TMED1: variants seen among roughly 807,000 people sequenced by gnomAD.
The protein encoded by TMED1 is transmembrane emp24 domain-containing protein 1.
TMED1 carries 20 observed loss-of-function variants against 21.2 expected under a neutral mutation model. That is an observed-to-expected ratio of 0.95 (90% CI 0.67 to 1.37). The LOEUF (loss-of-function observed/expected upper bound fraction) is 1.37, where lower values mean the gene tolerates loss of function less well. TMED1 is among the 40% of genes most tolerant of loss of function. The pLI is 0.00. For synonymous variants in TMED1, 149 were observed against 134.7 expected, an observed-to-expected ratio of 1.11 and a Z score of -0.74; for missense variants, 316 against 309.8, an observed-to-expected ratio of 1.02 and a Z score of -0.15.
chr19:10,835,060 G>C lies in TMED1; in HGVS notation c.339C>G (p.Thr113=). 1 of 1,614,240 alleles carries C rather than the reference G, an allele frequency of 6.2e-7. No homozygotes were observed. The highest frequency in any genetic ancestry group is 8.5e-7 in the Non-Finnish European group (1 of 1,180,038). The change falls in exon 3 of 4, where the codon ACC becomes ACG. Residue 113 remains threonine, a synonymous_variant. Coordinates refer to ENST00000214869, the MANE Select transcript of TMED1 (RefSeq NM_006858.4). ...CAAAGAACACCAGCTTCTCGGAGATGGTGCTGAAGGAGTTGTCAAAGCACA... is the reference window on the plus strand; with the variant it reads ...CAAAGAACACCAGCTTCTCGGAGATCGTGCTGAAGGAGTTGTCAAAGCACA... ...YKLCFDNSFS[T]ISEKLVFFEL... is the part of the protein sequence containing the mutation.
At position 10,832,184 on chromosome 19, in the gene TMED1, A is replaced by C; in HGVS notation, c.*811T>G. On this transcript the variant is annotated 3_prime_UTR_variant, in exon 4 of 4. Coordinates refer to ENST00000214869, the MANE Select transcript of TMED1 (RefSeq NM_006858.4). ...TGCTGCCTGGTGAAGCGGGGACCCC[A>C]GCGCTCCACCCCCTTCCTACCCTCA... 1 of 885,872 alleles carries C rather than the reference A, an allele frequency of 1.1e-6. No homozygotes were observed. Among genetic ancestry groups the C allele is most frequent in the South Asian group, 1.4e-5 (1 of 70,676 alleles). 54.9% of individuals were successfully genotyped at this position (885,872 alleles called of 1,614,324 possible). A position where few individuals can be genotyped will look rare whatever the true frequency, so the allele number is the denominator to read the frequency against.
chr19:10,834,207 C>T (rs1011795858), intron 3 of TMED1, among the ~76,000 whole-genome samples: 7 of 152,098 alleles, frequency 4.6e-5, no homozygotes, highest in Non-Finnish European at 1.0e-4. Flanking sequence ...ATGTACAGAA[C>T]ATATTTGCTT....
At chr19:10,834,053 A>G (rs1029813999) in intron 3 of TMED1, among the ~76,000 whole-genome samples, 1 of 152,188 alleles carries the variant, frequency 6.6e-6, no homozygotes, top group Non-Finnish European at 1.5e-5. Flanking sequence ...ACAGCTATTC[A>G]GGAGGCTGAG....
intron 3 of TMED1, 147 bp from the exon 4 acceptor site, chr19:10,833,360 C>T (rs2073385402): frequency 3.0e-6 from 2 of 662,450 alleles, no homozygotes; most frequent in Non-Finnish European, 5.2e-6. Context: ...AAGTTCAAAT[C>T]CTCACCCTGC....
Position 10,833,233 on chromosome 19 carries a change from G to C in TMED1, c.466-20C>G, listed in dbSNP as rs762254035. On this transcript the variant is annotated intron_variant, in intron 3 of 3. Transcript: ENST00000214869. Reference sequence around the variant, plus strand: ...GGACTCCTACAGGGCAGCGGGAGGGGAAGGGTCAGGCCTCCCTCCACCCAT... The same window carrying C: ...GGACTCCTACAGGGCAGCGGGAGGGCAAGGGTCAGGCCTCCCTCCACCCAT... 10 of 1,593,308 alleles carry C rather than the reference G, an allele frequency of 6.3e-6. No homozygotes were observed. The highest frequency in any genetic ancestry group is 8.6e-6 in the Non-Finnish European group (10 of 1,167,354).
rs770846518 is a variant in TMED1, at chr19:10,835,360, G to T, written c.184-7C>A. 1.2e-6 allele frequency: 2 copies of T among 1,613,396 alleles called. No homozygotes were observed. Among genetic ancestry groups the T allele is most frequent in the South Asian group, 2.2e-5 (2 of 91,084 alleles). ...GTCCAGCACCTCCGATCACCTGGGG[G>T]GCAGGTAAGAGCGGGTGGAGGGCTA... On this transcript the variant is annotated splice_region_variant and splice_polypyrimidine_tract_variant and intron_variant, in intron 1 of 3. Transcript: ENST00000214869.
chr19:10,835,174 G>A, intron 2 of TMED1, 57 bp from the exon 3 acceptor site: 2 of 1,611,082 alleles, frequency 1.2e-6, no homozygotes, highest in Non-Finnish European at 8.5e-7. Flanking sequence ...GACTCAGCGG[G>A]GCAGTCAGGG....
In TMED1 at chr19:10,833,227, G is replaced by T. The variant is rs894676835; in HGVS notation, c.466-14C>A. 1 of 1,591,868 alleles carries T rather than the reference G, an allele frequency of 6.3e-7. No individual in the cohort carries two copies. The highest frequency in any genetic ancestry group is 1.5e-5 in the African/African-American group (1 of 66,136). ...CTCAATGGACTCCTACAGGGCAGCG[G>T]GAGGGGAAGGGTCAGGCCTCCCTCC... On this transcript the variant is annotated splice_polypyrimidine_tract_variant and intron_variant, in intron 3 of 3. Coordinates refer to ENST00000214869, the MANE Select transcript of TMED1 (RefSeq NM_006858.4).
intron 2 of TMED1, 54 bp downstream of exon 2, chr19:10,835,202 C>G (rs1050208808): frequency 3.1e-6 from 5 of 1,612,534 alleles, no homozygotes; most frequent in Non-Finnish European, 4.2e-6. Context: ...CTGAGGCCGC[C>G]TGGGAAGGGC....
At chr19:10,835,479 C>T in intron 1 of TMED1, 126 bp from the exon 2 acceptor site, 1 of 1,484,662 alleles carries the variant, frequency 6.7e-7, no homozygotes, top group Non-Finnish European at 9.0e-7. Context: ...GGCGGCACAC[C>T]CACACCCGCC....
intron 3 of TMED1, chr19:10,834,728 G>C (rs560572027): frequency 2.0e-6 from 1 of 506,210 alleles, no homozygotes; most frequent in Non-Finnish European, 3.5e-6. Flanking sequence ...TGATCCACCC[G>C]CCTCAGCCTC....
At chr19:10,835,949 A>C in intron 1 of TMED1, 60 bp downstream of exon 1, 2 of 1,498,428 alleles carry the variant, frequency 1.3e-6, no homozygotes, top group Non-Finnish European at 8.9e-7. Flanking sequence ...CCTCGCCTCG[A>C]CCGCTTGGCC....
chr19:10,834,908 G>T (rs1204956087), intron 3 of TMED1, 26 bp downstream of exon 3: 1 of 1,605,030 alleles, frequency 6.2e-7, no homozygotes, highest in Admixed American at 1.7e-5. Context: ...TCTGGAAGGA[G>T]TGGCCCCAGC....
intron 1 of TMED1, chr19:10,835,590 A>T (rs1568329151): frequency 7.1e-7 from 1 of 1,418,014 alleles, no homozygotes; most frequent in Admixed American, 2.8e-5. Flanking sequence ...AAAAGTACTT[A>T]ATGGACGTTT....
chr19:10,833,530 G>C (rs1599647264), intron 3 of TMED1: 1 of 367,014 alleles, frequency 2.7e-6, no homozygotes, highest in African/African-American at 2.1e-5. Flanking sequence ...GGAAGGCTGA[G>C]GTGGGAGGAT....
In TMED1 at chr19:10,832,912, A is replaced by G. The variant is rs1352596279; in HGVS notation, c.*83T>C. 2.0e-6 allele frequency: 3 copies of G among 1,511,694 alleles called. No homozygotes were observed. The highest frequency in any genetic ancestry group is 2.7e-6 in the Non-Finnish European group (3 of 1,113,952). 93.6% of individuals were successfully genotyped at this position (1,511,694 alleles called of 1,614,324 possible). A position where few individuals can be genotyped will look rare whatever the true frequency, so the allele number is the denominator to read the frequency against. ...CACACTCCCGTTTTGGCAGGAAACT[A>G]AAATTGGGGAGGGACCCCCAAGTCT... On this transcript the variant is annotated 3_prime_UTR_variant, in exon 4 of 4. Transcript: ENST00000214869.
chr19:10,835,024 A>C lies in TMED1; in HGVS notation c.375T>G (p.Phe125Leu). 1 of 1,614,188 alleles carries C rather than the reference A, an allele frequency of 6.2e-7. No homozygotes were observed. The highest frequency in any genetic ancestry group is 1.7e-4 in the Middle Eastern group (1 of 6,060). Residue 125 changes from phenylalanine to leucine, a missense_variant, in exon 3 of 4, where the codon TTT becomes TTG. Transcript: ENST00000214869. ...SEKLVFFELI[F>L]DSLQDDEEVE... ...CCTCCTCGTCATCCTGGAGGCTGTC[A>C]AAGATCAGTTCAAAGAACACCAGCT...
In TMED1 at chr19:10,832,416, AGCCCCAAT is replaced by A. The variant is rs2073368908; in HGVS notation, c.*571_*578del. Reference sequence around the variant, plus strand: ...CGGTCTGTCCTGGCTGGTGTCCCTGAGCCCCAATCAGCAGGCTCTTGTGATTTTCTGAC... The same window carrying A: ...CGGTCTGTCCTGGCTGGTGTCCCTGACAGCAGGCTCTTGTGATTTTCTGAC... On this transcript the variant is annotated 3_prime_UTR_variant, in exon 4 of 4. Coordinates refer to ENST00000214869, the MANE Select transcript of TMED1 (RefSeq NM_006858.4). 2.5e-6 allele frequency: 3 copies of A among 1,189,226 alleles called. No homozygotes were observed. Among genetic ancestry groups the A allele is most frequent in the South Asian group, 2.5e-5 (2 of 78,670 alleles). 73.7% of individuals were successfully genotyped at this position (1,189,226 alleles called of 1,614,324 possible).
At position 10,835,365 on chromosome 19, in the gene TMED1, G is replaced by C; in HGVS notation, c.184-12C>G. The stretch of plus-strand genomic sequence containing the variant: ...GCACCTCCGATCACCTGGGGGGCAG[G>C]TAAGAGCGGGTGGAGGGCTAGCGGT... On this transcript the variant is annotated splice_polypyrimidine_tract_variant and intron_variant, in intron 1 of 3. Coordinates refer to ENST00000214869, the MANE Select transcript of TMED1 (RefSeq NM_006858.4). The C allele has an allele frequency of 6.2e-7, 1 of 1,613,292 alleles. No homozygotes were observed. Among genetic ancestry groups the C allele is most frequent in the Non-Finnish European group, 8.5e-7 (1 of 1,179,844 alleles).
Sources: allele counts gnomAD v4.1 joint callset (sites outside exome capture counted in the v4.1 genomes callset), GRCh38; gene constraint gnomAD v4.1.1; transcripts MANE v1.5; gene names NCBI Gene and HGNC (gene_info 2026-07-23, HGNC 2026-07-21).